LEMD3: variants seen among roughly 807,000 people sequenced by gnomAD.
LEMD3 encodes the protein inner nuclear membrane protein Man1.
In LEMD3, 33 loss-of-function variants were observed where a neutral mutation model predicts 95.2. That is an observed-to-expected ratio of 0.35 (90% confidence interval 0.26 to 0.46). LEMD3 has a LOEUF of 0.46. Among genes scored for constraint, LEMD3 ranks in the 20% least tolerant of loss-of-function variants. The pLI is 1.00. For synonymous variants in LEMD3, 525 were observed against 474.6 expected (o/e 1.11, Z -1.38); for missense variants, 1,210 against 1,192.8 (o/e 1.01, Z -0.21).
chr12:65,169,837 C>T lies in LEMD3; in HGVS notation c.241C>T (p.Pro81Ser), dbSNP rs778640480. 1.4e-5 allele frequency: 21 copies of T among 1,464,638 alleles called. No individual in the cohort carries two copies. Among genetic ancestry groups the T allele is most frequent in the Middle Eastern group, 1.9e-4 (1 of 5,138 alleles). 90.7% of individuals were successfully genotyped at this position (1,464,638 alleles called of 1,614,324 possible). Reference protein sequence around the residue: ...TAAATVAAAGPAAAAAAGMGV... With the variant: ...TAAATVAAAGSAAAAAAGMGV... ...AGCCGCCACGGTCGCAGCCGCGGGA[C>T]CAGCGGCGGCGGCGGCCGCGGGGAT... Residue 81 changes from proline to serine, a missense_variant, in exon 1 of 13, where the codon CCA becomes TCA. Around this residue, in one of 2 missense-constraint regions of LEMD3, gnomAD observed 749 missense variants for 622.9 expected, o/e 1.20. Transcript: ENST00000308330.
intron 9 of LEMD3, among the ~76,000 whole-genome samples, chr12:65,241,940 G>A (rs1237303352): frequency 6.6e-6 from 1 of 152,076 alleles, no homozygotes; most frequent in Non-Finnish European, 1.5e-5. Context: ...CCTGGGTGAT[G>A]GGTTTGAGTT....
chr12:65,208,638 T>G (rs1869835401), intron 1 of LEMD3, among the ~76,000 whole-genome samples: 1 of 152,138 alleles, frequency 6.6e-6, no homozygotes, highest in Non-Finnish European at 1.5e-5. Context: ...AAAGATACTT[T>G]GAAAACTTTG....
intron 3 of LEMD3, among the ~76,000 whole-genome samples, 176 bp from the exon 4 acceptor site, chr12:65,218,376 T>C (rs1870173307): frequency 6.6e-6 from 1 of 152,204 alleles, no homozygotes; most frequent in African/African-American, 2.4e-5. Context: ...TTGTTTATAT[T>C]CTTACTGGAA....
At chr12:65,222,827 T>G (rs1592453775) in intron 4 of LEMD3, among the ~76,000 whole-genome samples, 1 of 151,996 alleles carries the variant, frequency 6.6e-6, no homozygotes, top group East Asian at 1.9e-4. Flanking sequence ...ATAAATTTTG[T>G]TAGGTTGTGT....
intron 1 of LEMD3, among the ~76,000 whole-genome samples, chr12:65,196,331 A>C (rs184545066): frequency 1.4e-4 from 21 of 151,718 alleles, no homozygotes; most frequent in African/African-American, 4.6e-4. Context: ...TCTGCACACC[A>C]AAAAAAACCC....
At chr12:65,215,143 A>G (rs1395122407) in intron 2 of LEMD3, among the ~76,000 whole-genome samples, 1 of 152,210 alleles carries the variant, frequency 6.6e-6, no homozygotes, top group Non-Finnish European at 1.5e-5. Context: ...TTGCAGAATC[A>G]AACAAGGGCT....
chr12:65,244,292 C>CA (rs369801389), intron 10 of LEMD3, among the ~76,000 whole-genome samples: 10,510 of 149,566 alleles, frequency 0.07, 1,306 homozygotes, highest in African/African-American at 0.24. Flanking sequence ...CACACCCCCC[C>CA]CACACACACA....
intron 1 of LEMD3, chr12:65,171,967 A>AG (rs1868564798): frequency 6.6e-6 from 1 of 152,240 alleles, no homozygotes; most frequent in African/African-American, 2.4e-5. Flanking sequence ...ACACTGACGT[A>AG]GGTGTACACT....
chr12:65,182,184 A>T (rs535739139), intron 1 of LEMD3, among the ~76,000 whole-genome samples: 9 of 152,192 alleles, frequency 5.9e-5, no homozygotes, highest in Admixed American at 2.0e-4. Context: ...CAGCAGTAGA[A>T]TTTTTTTATA....
At chr12:65,210,817 A>C in intron 1 of LEMD3, 109 bp from the exon 2 acceptor site, 1 of 858,066 alleles carries the variant, frequency 1.2e-6, no homozygotes. Context: ...TGGTTCACAT[A>C]TTTATATCCA....
chr12:65,195,398 TA>T (rs994737328), intron 1 of LEMD3, among the ~76,000 whole-genome samples: 64 of 147,878 alleles, frequency 4.3e-4, no homozygotes, highest in East Asian at 2.7e-3. Context: ...ACTTGTTTAT[TA>T]AAAAAAAAAA....
At chr12:65,182,695 A>G (rs1426019481) in intron 1 of LEMD3, among the ~76,000 whole-genome samples, 1 of 152,184 alleles carries the variant, frequency 6.6e-6, no homozygotes, top group Admixed American at 6.5e-5. Context: ...ACTAAAAGGT[A>G]GATTTGCTGA....
intron 2 of LEMD3, among the ~76,000 whole-genome samples, chr12:65,213,245 G>C (rs1039840179): frequency 2.0e-5 from 3 of 151,982 alleles, no homozygotes; most frequent in African/African-American, 7.3e-5. Context: ...GTTTTTTTGA[G>C]ACAAGGTCTC....
intron 1 of LEMD3, among the ~76,000 whole-genome samples, chr12:65,185,485 T>G (rs1178965041): frequency 6.6e-6 from 1 of 152,060 alleles, no homozygotes; most frequent in Non-Finnish European, 1.5e-5. Context: ...TTTTCAATGG[T>G]ATTTCAATAC....
In LEMD3 at chr12:65,223,783, C is replaced by T. The variant is rs193279928; in HGVS notation, c.1695+5164C>T. 3.7e-3 allele frequency among the ~76,000 whole-genome samples: 549 copies of T among 147,606 alleles called. 3 individuals are homozygous for T. Among genetic ancestry groups the T allele is most frequent in the African/African-American group, 0.013 (526 of 40,458 alleles). ...CCTTTTTTGTTGAATATTTTCTCTC[C>T]GTGTTGTAGCTTTTTTGTCCCCTTT... On this transcript the variant is annotated intron_variant, in intron 4 of 12. Coordinates refer to ENST00000308330, the MANE Select transcript of LEMD3 (RefSeq NM_014319.5).
rs146241425 is a variant in LEMD3 at position 65,170,755 on chromosome 12, C to G, written c.1159C>G (p.Leu387Val). 2 of 1,614,224 alleles carry G rather than the reference C, an allele frequency of 1.2e-6. No individual in the cohort carries two copies. The highest frequency in any genetic ancestry group is 1.7e-6 in the Non-Finnish European group (2 of 1,180,036). The part of the protein sequence containing the change: ...STLDSSTGSL[L>V]KTNNHIGGGA... ...CTTGGATTCGTCAACAGGCTCCCTT[C>G]TGAAAACCAATAATCATATTGGCGG... Residue 387 changes from leucine (L) to valine (V), a missense_variant, in exon 1 of 13, where the codon CTG (leucine) becomes GTG (valine). Leu to Val is a conservative substitution (Grantham distance 32, BLOSUM62 1). Around this residue, in one of 2 missense-constraint regions of LEMD3, gnomAD observed 749 missense variants for 622.9 expected, o/e 1.20. Coordinates refer to ENST00000308330, the MANE Select transcript of LEMD3 (RefSeq NM_014319.5).
intron 1 of LEMD3, among the ~76,000 whole-genome samples, chr12:65,191,700 A>G (rs1869244092): frequency 6.6e-6 from 1 of 152,074 alleles, no homozygotes; most frequent in Non-Finnish European, 1.5e-5. Flanking sequence ...TGGGAGGCCA[A>G]GGCAGGCAGA....
intron 1 of LEMD3, among the ~76,000 whole-genome samples, chr12:65,206,402 T>C (rs567251048): frequency 6.6e-6 from 1 of 152,304 alleles, no homozygotes; most frequent in African/African-American, 2.4e-5. Context: ...CCTCCAGGAC[T>C]GAACTGTCTT....
intron 8 of LEMD3, chr12:65,240,697 T>C (rs1870908774): frequency 1.7e-6 from 1 of 581,584 alleles, no homozygotes; most frequent in African/African-American, 1.9e-5. Context: ...AGTGGAGCTT[T>C]TGGGGAAAAA....
Sources: allele counts gnomAD v4.1 joint callset (sites outside exome capture counted in the v4.1 genomes callset), GRCh38; gene constraint gnomAD v4.1.1; regional missense constraint gnomAD v4.1.1; transcripts MANE v1.5; gene names NCBI Gene and HGNC (gene_info 2026-07-23, HGNC 2026-07-21).